The following SLC7A5 variants were observed in gnomAD, a reference collection of about 807,000 sequenced individuals.
SLC7A5 encodes solute carrier family 7 member 5.
A neutral mutation model predicts 50.2 loss-of-function variants in SLC7A5; 23 were observed. That is an observed-to-expected ratio of 0.46 (90% CI 0.33 to 0.65). SLC7A5 has a LOEUF of 0.65. Ranked by LOEUF, SLC7A5 falls within the 30% of genes least tolerant of loss-of-function variation. SLC7A5 has a pLI of 0.02. For synonymous variants in SLC7A5, 393 were observed against 330.6 expected, an observed-to-expected ratio of 1.19 and a Z score of -2.05; for missense variants, 578 against 684.4, an observed-to-expected ratio of 0.84 and a Z score of 1.73.
In SLC7A5 at chr16:87,831,195, G is replaced by C. The variant is rs1052462303; in HGVS notation, c.*1775C>G. The C allele has an allele frequency of 2.0e-4, 31 of 152,412 alleles. No individual in the cohort carries two copies. Among genetic ancestry groups the C allele is most frequent in the Middle Eastern group, 3.4e-3 (1 of 294 alleles). The allele number at this position is 152,412 out of a possible 1,614,324, so 9.4% of individuals were successfully genotyped here. A position where few individuals can be genotyped will look rare whatever the true frequency, so the allele number is the denominator to read the frequency against. ...GGTGGTCCTCGGCCTCCAGACCGTG[G>C]GCTGTCCCTTGGACGAGTGGAATTC... On this transcript the variant is annotated 3_prime_UTR_variant, in exon 10 of 10. Coordinates refer to ENST00000261622, the MANE Select transcript of SLC7A5 (RefSeq NM_003486.7).
intron 4 of SLC7A5, among the ~76,000 whole-genome samples, 184 bp from the exon 5 acceptor site, chr16:87,840,009 C>A (rs1203426538): frequency 6.6e-6 from 1 of 152,230 alleles, no homozygotes; most frequent in Non-Finnish European, 1.5e-5. Context: ...TGGAGCGGGA[C>A]ACTGCACAGC....
Position 87,860,493 on chromosome 16 carries a change from C to T in SLC7A5, c.538+8392G>A, listed in dbSNP as rs1205071407. 6.6e-6 allele frequency among the ~76,000 whole-genome samples: 1 copy of T among 151,874 alleles called. No homozygotes were observed. The highest frequency in any genetic ancestry group is 1.5e-5 in the Non-Finnish European group (1 of 67,998). The stretch of plus-strand genomic sequence containing the variant: ...GTTGTCCCGCCTTTCTCGGCAGAAC[C>T]AACAAATACCTTTCATGTACTGACT... On this transcript the variant is annotated intron_variant, in intron 1 of 9. Transcript: ENST00000261622. The surrounding 1 kb of genome is among the most constrained non-coding windows in gnomAD (Gnocchi z 4.8).
intron 1 of SLC7A5, among the ~76,000 whole-genome samples, chr16:87,857,541 C>A (rs150906507): frequency 0.018 from 2,685 of 152,344 alleles, 81 homozygotes; most frequent in African/African-American, 0.061. Context: ...CCTTGGCCTC[C>A]CAAAGTGTTG....
At chr16:87,839,910 G>C in intron 4 of SLC7A5, 85 bp from the exon 5 acceptor site, 1 of 1,556,750 alleles carries the variant, frequency 6.4e-7, no homozygotes. Context: ...TGGGCTCCTC[G>C]CAAGCAGTAG....
chr16:87,848,456 G>T (rs536369245), intron 2 of SLC7A5, among the ~76,000 whole-genome samples: 1 of 152,336 alleles, frequency 6.6e-6, no homozygotes, highest in South Asian at 2.1e-4. Context: ...CTCATGGGAC[G>T]GTGGGTCAGA....
Position 87,852,524 on chromosome 16 carries a change from T to C in SLC7A5, c.539-675A>G, listed in dbSNP as rs924200738. Among the ~76,000 whole-genome samples, 1 of 152,072 alleles carries C rather than the reference T, an allele frequency of 6.6e-6. No homozygotes were observed. Among genetic ancestry groups the C allele is most frequent in the African/African-American group, 2.4e-5 (1 of 41,406 alleles). On this transcript the variant is annotated intron_variant, in intron 1 of 9. Transcript: ENST00000261622. This position sits in a 1 kb window ranked among gnomAD's most constrained non-coding sequence, Gnocchi z 4.5. ...AGAAGCCTGAGTGACCCCACACAGA[T>C]GGCCAGAACGCCTGCCCCAGGAGGC...
chr16:87,834,284 G>GCAGTGTCCGC, intron 9 of SLC7A5, 130 bp downstream of exon 9: 1 of 847,370 alleles, frequency 1.2e-6, no homozygotes, highest in Non-Finnish European at 2.0e-6. Flanking sequence ...GGCGGACACT[G>GCAGTGTCCGC]CAGTGACCTG....
At chr16:87,859,913 AAAAACAAAACAAAAC>A (rs60586708) in intron 1 of SLC7A5, among the ~76,000 whole-genome samples, 1 of 151,016 alleles carries the variant, frequency 6.6e-6, no homozygotes, top group Admixed American at 6.6e-5. Flanking sequence ...CCTGGGTGAC[AAAAACAAAACAAAAC>A]AAAACAAAAC....
At chr16:87,835,109 G>A (rs945744013) in intron 8 of SLC7A5, among the ~76,000 whole-genome samples, 2 of 152,398 alleles carry the variant, frequency 1.3e-5, no homozygotes, top group East Asian at 1.9e-4. Flanking sequence ...GGAGCCTGCA[G>A]GCCGCAACCT....
intron 1 of SLC7A5, among the ~76,000 whole-genome samples, chr16:87,867,360 T>C (rs531004920): frequency 1.3e-5 from 2 of 151,788 alleles, no homozygotes; most frequent in South Asian, 4.2e-4. Context: ...GAAATCAGAG[T>C]CATCCCCTAC....
chr16:87,868,278 A>C (rs146854787), intron 1 of SLC7A5, among the ~76,000 whole-genome samples: 27,450 of 152,024 alleles, frequency 0.18, 3,480 homozygotes, highest in African/African-American at 0.35. Flanking sequence ...TCACTGCAAC[A>C]CAGACTGAAT....
At chr16:87,846,247 C>G (rs1376055756) in intron 2 of SLC7A5, among the ~76,000 whole-genome samples, 1 of 152,220 alleles carries the variant, frequency 6.6e-6, no homozygotes, top group Admixed American at 6.5e-5. Flanking sequence ...TCTGAGATGC[C>G]TCACAGAGAG....
intron 2 of SLC7A5, among the ~76,000 whole-genome samples, chr16:87,847,166 T>C (rs2055164272): frequency 1.3e-5 from 2 of 152,198 alleles, no homozygotes; most frequent in Non-Finnish European, 2.9e-5. Context: ...GGAACAGCTC[T>C]AAGCCACAGC....
At position 87,853,726 on chromosome 16, in the gene SLC7A5, G is replaced by T. The variant is rs973444327; in HGVS notation, c.539-1877C>A. Among the ~76,000 whole-genome samples the T allele has an allele frequency of 1.3e-5, 2 of 151,766 alleles. No individual in the cohort carries two copies. The highest frequency in any genetic ancestry group is 6.5e-5 in the Admixed American group (1 of 15,272). ...GGCTTCTGGAGAGCTTTCTGGATTC[G>T]CAAGAGGCCGGCTGATTGCATCACT... On this transcript the variant is annotated intron_variant, in intron 1 of 9. Coordinates refer to ENST00000261622, the MANE Select transcript of SLC7A5 (RefSeq NM_003486.7). The surrounding 1 kb of genome is among the most constrained non-coding windows in gnomAD (Gnocchi z 4.4).
chr16:87,850,864 C>A (rs1379427701), intron 2 of SLC7A5, among the ~76,000 whole-genome samples: 1 of 152,198 alleles, frequency 6.6e-6, no homozygotes, highest in African/African-American at 2.4e-5. Flanking sequence ...CAGGCAGACA[C>A]AGAACACAGA....
chr16:87,852,679 TGTGTGTG>T lies in SLC7A5; in HGVS notation c.539-837_539-831del. Among the ~76,000 whole-genome samples, 1 of 145,976 alleles carries T rather than the reference TGTGTGTG, an allele frequency of 6.9e-6. No homozygotes were observed. The highest frequency in any genetic ancestry group is 2.7e-5 in the African/African-American group (1 of 37,358). On this transcript the variant is annotated intron_variant, in intron 1 of 9. Coordinates refer to ENST00000261622, the MANE Select transcript of SLC7A5 (RefSeq NM_003486.7). This position sits in a 1 kb window ranked among gnomAD's most constrained non-coding sequence, Gnocchi z 4.5. Reference sequence around the variant, plus strand: ...GTGTGTGTGTGTGTGTGTGTGTGTGTGTGTGTGTTGGGGGTTCTGTTGCAATATATAG... The same window carrying T: ...GTGTGTGTGTGTGTGTGTGTGTGTGTTTGGGGGTTCTGTTGCAATATATAG...
intron 4 of SLC7A5, 147 bp downstream of exon 4, chr16:87,840,282 C>T (rs1044046692): frequency 4.0e-6 from 3 of 751,422 alleles, no homozygotes; most frequent in African/African-American, 1.8e-5. Flanking sequence ...GCCACCCGCC[C>T]CACATCCTGC....
intron 1 of SLC7A5, among the ~76,000 whole-genome samples, chr16:87,867,386 G>A (rs1293058638): frequency 2.0e-5 from 3 of 152,080 alleles, no homozygotes; most frequent in African/African-American, 7.2e-5. Context: ...CATCTCCAAC[G>A]CCCAGCTGGA....
chr16:87,843,580 GGA>G (rs1422035261), intron 2 of SLC7A5, among the ~76,000 whole-genome samples: 2 of 151,900 alleles, frequency 1.3e-5, no homozygotes, highest in Non-Finnish European at 2.9e-5. Flanking sequence ...TACACACAGG[GGA>G]GAGACACACC....
Sources: gnomAD v4.1 joint callset for allele counts (sites outside exome capture counted in the v4.1 genomes callset) on GRCh38, gnomAD v4.1.1 for gene constraint, Gnocchi (gnomAD v3.1) non-coding constraint, MANE v1.5 for transcripts, NCBI Gene and HGNC (gene_info 2026-07-23, HGNC 2026-07-21) for gene names.